The following DACH1 variants were observed in gnomAD, a reference collection of about 807,000 sequenced individuals.
DACH1 encodes dachshund family transcription factor 1, also known as dachshund homolog 1.
In DACH1, 12 loss-of-function variants were observed where a neutral mutation model predicts 54.2. The ratio of observed to expected loss-of-function variants is 0.22; its 90% CI spans 0.14 to 0.36. DACH1 has a LOEUF of 0.36. Among genes scored for constraint, DACH1 ranks in the 10% least tolerant of loss-of-function variants. DACH1 has a pLI of 1.00. For missense variants in DACH1, 805 were observed against 929.8 expected, an observed-to-expected ratio of 0.87 and a Z score of 1.75; for synonymous variants, 386 against 366.2, an observed-to-expected ratio of 1.05 and a Z score of -0.62.
At chr13:71,845,020 AAG>A (rs753932110) in intron 1 of DACH1, among the ~76,000 whole-genome samples, 19 of 152,174 alleles carry the variant, frequency 1.2e-4, no homozygotes, top group Non-Finnish European at 2.1e-4. Flanking sequence ...ACAGCTAAAT[AAG>A]AGGAGTCAAT....
chr13:71,470,031 T>C (rs1033665990), intron 10 of DACH1, among the ~76,000 whole-genome samples: 2 of 152,202 alleles, frequency 1.3e-5, no homozygotes, highest in African/African-American at 4.8e-5. Flanking sequence ...TATATCGCCA[T>C]TGGTTTTAAC....
chr13:71,651,294 G>C (rs1878645556), intron 2 of DACH1, among the ~76,000 whole-genome samples: 1 of 151,770 alleles, frequency 6.6e-6, no homozygotes, highest in East Asian at 1.9e-4. Context: ...TTGAGCCCTG[G>C]GGATCAAGGT....
chr13:71,488,904 T>G, intron 7 of DACH1, 93 bp downstream of exon 7: 1 of 1,226,114 alleles, frequency 8.2e-7, no homozygotes, highest in Non-Finnish European at 1.1e-6. Flanking sequence ...GTCAGTCTAA[T>G]GGGATTAAGT....
At chr13:71,673,657 G>A (rs1001587507) in intron 2 of DACH1, among the ~76,000 whole-genome samples, 28 of 152,204 alleles carry the variant, frequency 1.8e-4, no homozygotes, top group African/African-American at 6.7e-4. Flanking sequence ...AATACCTAAT[G>A]TAGATGACAG....
At chr13:71,749,383 C>A (rs1035467332) in intron 1 of DACH1, among the ~76,000 whole-genome samples, 4 of 151,922 alleles carry the variant, frequency 2.6e-5, no homozygotes, top group Non-Finnish European at 5.9e-5. Context: ...TGACTAATTT[C>A]TATTTAATGT....
intron 1 of DACH1, among the ~76,000 whole-genome samples, chr13:71,756,905 T>C (rs1181963364): frequency 6.6e-6 from 1 of 152,156 alleles, no homozygotes; most frequent in African/African-American, 2.4e-5. Context: ...CTGGATGTTG[T>C]TCACTTGTGA....
intron 8 of DACH1, among the ~76,000 whole-genome samples, chr13:71,478,428 C>A (rs1877761018): frequency 1.3e-5 from 2 of 152,060 alleles, no homozygotes; most frequent in Non-Finnish European, 2.9e-5. Flanking sequence ...TAATGTGGAG[C>A]ATTTATATTG....
intron 10 of DACH1, among the ~76,000 whole-genome samples, chr13:71,458,242 G>C (rs954653353): frequency 1.3e-5 from 2 of 151,640 alleles, no homozygotes; most frequent in African/African-American, 4.8e-5. Flanking sequence ...AAGGTTATTT[G>C]TGAATCTGTC....
intron 3 of DACH1, among the ~76,000 whole-genome samples, chr13:71,626,749 T>G (rs1303406710): frequency 1.3e-5 from 2 of 152,032 alleles, no homozygotes; most frequent in Non-Finnish European, 2.9e-5. Flanking sequence ...TCTATTTCTA[T>G]GGCCAAATGA....
chr13:71,480,375 T>C (rs2138184554), intron 7 of DACH1, among the ~76,000 whole-genome samples: 1 of 152,296 alleles, frequency 6.6e-6, no homozygotes, highest in Middle Eastern at 3.4e-3. Flanking sequence ...ATACAACTAA[T>C]GGTGAATATA....
intron 1 of DACH1, among the ~76,000 whole-genome samples, chr13:71,716,891 T>G (rs879896555): frequency 6.6e-6 from 1 of 152,174 alleles, no homozygotes; most frequent in Non-Finnish European, 1.5e-5. Flanking sequence ...TAGGTATACA[T>G]GTGCCATGGT....
At chr13:71,674,329 T>A (rs984222126) in intron 2 of DACH1, among the ~76,000 whole-genome samples, 8 of 152,054 alleles carry the variant, frequency 5.3e-5, no homozygotes, top group Non-Finnish European at 7.4e-5. Flanking sequence ...TTTAAAAAAA[T>A]TATTTGTAGA....
chr13:71,520,018 A>G (rs1881475919), intron 6 of DACH1, among the ~76,000 whole-genome samples: 1 of 150,068 alleles, frequency 6.7e-6, no homozygotes, highest in African/African-American at 2.4e-5. Context: ...CATTGCTTAT[A>G]TTTTCTAAAA....
intron 6 of DACH1, among the ~76,000 whole-genome samples, chr13:71,520,035 T>G (rs1881477395): frequency 6.6e-6 from 1 of 150,626 alleles, no homozygotes; most frequent in African/African-American, 2.4e-5. Context: ...AAAATTTCCA[T>G]ATATAAAATA....
intron 3 of DACH1, among the ~76,000 whole-genome samples, chr13:71,610,545 G>A (rs1875247035): frequency 1.3e-5 from 2 of 152,040 alleles, no homozygotes; most frequent in Non-Finnish European, 2.9e-5. Context: ...AAATCACAGA[G>A]ACATACATAT....
chr13:71,602,282 A>G (rs1222503000), intron 3 of DACH1, among the ~76,000 whole-genome samples: 1 of 152,112 alleles, frequency 6.6e-6, no homozygotes, highest in Non-Finnish European at 1.5e-5. Flanking sequence ...AATAAACTGC[A>G]TAATTGCAAG....
intron 7 of DACH1, among the ~76,000 whole-genome samples, chr13:71,480,436 T>C (rs1015315620): frequency 4.6e-5 from 7 of 152,216 alleles, no homozygotes; most frequent in African/African-American, 1.7e-4. Flanking sequence ...ATTAGCAGTA[T>C]TTTAAGGTTC....
intron 3 of DACH1, among the ~76,000 whole-genome samples, chr13:71,573,261 T>A (rs1378570659): frequency 6.6e-6 from 1 of 152,180 alleles, no homozygotes; most frequent in East Asian, 1.9e-4. Context: ...ATTCCTATAA[T>A]CAGTCTGAAT....
In DACH1 at chr13:71,628,369, G is replaced by A. The variant is rs190283453; in HGVS notation, c.1126+2187C>T. On this transcript the variant is annotated intron_variant, in intron 3 of 10. Transcript: ENST00000613252. Reference sequence around the variant, plus strand: ...TATTATAAATTGGAAATTCTTAGAGGACAGCAGCATGTGAGAATAGGATGA... The same window carrying A: ...TATTATAAATTGGAAATTCTTAGAGAACAGCAGCATGTGAGAATAGGATGA... Among the ~76,000 whole-genome samples the A allele has an allele frequency of 2.0e-5, 3 of 152,114 alleles. No individual in the cohort carries two copies. In the East Asian group the frequency reaches 5.8e-4, roughly 30 times the overall value.
Sources: gnomAD v4.1 joint callset for allele counts (sites outside exome capture counted in the v4.1 genomes callset) on GRCh38, gnomAD v4.1.1 for gene constraint, MANE v1.5 for transcripts, NCBI Gene and HGNC (gene_info 2026-07-23, HGNC 2026-07-21) for gene names.